GBF1: variants seen among roughly 807,000 people sequenced by gnomAD.
GBF1 encodes Golgi-specific brefeldin A-resistance guanine nucleotide exchange factor 1.
Under a neutral mutation model 210.5 loss-of-function variants are expected in GBF1, and 114 were observed. That is an observed-to-expected ratio of 0.54 (90% CI 0.47 to 0.63). The LOEUF is 0.63. GBF1 is among the 30% of genes least tolerant of loss of function. The pLI, the probability that GBF1 is intolerant of heterozygous loss-of-function variation, is 0.00. For synonymous variants in GBF1, 850 were observed against 889.2 expected (o/e 0.96, Z 0.78); for missense variants, 1,851 against 2,357.7 (o/e 0.79, Z 4.45).
intron 17 of GBF1, 82 bp from the exon 18 acceptor site, chr10:102,365,315 G>T: frequency 2.0e-6 from 2 of 985,644 alleles, no homozygotes; most frequent in South Asian, 2.7e-5. Flanking sequence ...ACCAACTGTG[G>T]GTGGGCTATG....
upstream of GBF1, chr10:102,241,567 C>A (rs1357415123): frequency 2.0e-5 from 3 of 152,448 alleles, no homozygotes; most frequent in African/African-American, 4.8e-5. The surrounding 1 kb of genome is among the most constrained non-coding windows in gnomAD (Gnocchi z 6.7). Context: ...CCCAGCCCGC[C>A]GCGGCGAGCC....
intron 29 of GBF1, among the ~76,000 whole-genome samples, chr10:102,371,925 CAAA>C (rs750951758): frequency 2.1e-5 from 2 of 97,124 alleles, no homozygotes; most frequent in Non-Finnish European, 4.3e-5. Flanking sequence ...GATTCTGTCT[CAAA>C]AAAAAAAAAA....
chr10:102,247,169 CTATT>C (rs2070945588), intron 1 of GBF1, among the ~76,000 whole-genome samples: 1 of 152,132 alleles, frequency 6.6e-6, no homozygotes, highest in South Asian at 2.1e-4. Flanking sequence ...GAAGAGAAAA[CTATT>C]TAGGATCTTG....
chr10:102,373,710 C>T (rs2135274354), intron 29 of GBF1, among the ~76,000 whole-genome samples: 1 of 152,338 alleles, frequency 6.6e-6, no homozygotes, highest in African/African-American at 2.4e-5. Flanking sequence ...GGTACAGCTA[C>T]TCTGCTGGCA....
In GBF1 at chr10:102,370,420, G is replaced by C; in HGVS notation, c.3448G>C (p.Asp1150His). The change falls in exon 28 of 40, where the codon GAT (aspartate) becomes CAT (histidine). Residue 1150 changes from aspartate (D) to histidine (H), a missense_variant. Physicochemically the swap from Asp to His is moderately conservative, Grantham distance 81. Transcript: ENST00000369983. ...VSVTPDEETY[D>H]EEDAAFCLEM... ...AGTGACACCAGATGAAGAGACATAT[G>C]ATGAGGAAGATGCTGCTTTCTGCCT... 1 of 1,613,366 alleles carries C rather than the reference G, an allele frequency of 6.2e-7. No homozygotes were observed. The highest frequency in any genetic ancestry group is 2.2e-5 in the East Asian group (1 of 44,872).
chr10:102,332,144 G>A (rs4919628), intron 3 of GBF1, among the ~76,000 whole-genome samples: 2 of 152,024 alleles, frequency 1.3e-5, no homozygotes, highest in African/African-American at 4.8e-5. Context: ...ACAGGTGTGA[G>A]CCACCGCACC....
At chr10:102,272,672 C>T (rs2133317673) in intron 3 of GBF1, among the ~76,000 whole-genome samples, 1 of 152,238 alleles carries the variant, frequency 6.6e-6, no homozygotes, top group Non-Finnish European at 1.5e-5. Flanking sequence ...CTAGCATTTT[C>T]TGTAAAGAAC....
intron 29 of GBF1, among the ~76,000 whole-genome samples, chr10:102,375,045 G>T (rs1463554951): frequency 1.3e-5 from 2 of 151,728 alleles, no homozygotes; most frequent in African/African-American, 4.8e-5. Context: ...GTGGTCACAT[G>T]CACCTGTAGT....
At chr10:102,262,382 A>G (rs2073350786) in intron 3 of GBF1, among the ~76,000 whole-genome samples, 1 of 152,144 alleles carries the variant, frequency 6.6e-6, no homozygotes, top group Admixed American at 6.5e-5. Flanking sequence ...ACATATCCCA[A>G]TTAGAAAGGA....
chr10:102,255,103 C>T (rs960957480), intron 1 of GBF1, among the ~76,000 whole-genome samples: 6 of 152,168 alleles, frequency 3.9e-5, no homozygotes, highest in Admixed American at 2.0e-4. Flanking sequence ...TGCAGTGGCG[C>T]GATCTCGGCT....
chr10:102,355,835 T>C (rs1030750603), intron 8 of GBF1, among the ~76,000 whole-genome samples: 1 of 152,240 alleles, frequency 6.6e-6, no homozygotes, highest in Non-Finnish European at 1.5e-5. Context: ...AGGTCTCTCA[T>C]TGATCTCTTG....
At chr10:102,239,752 C>T in the GBF1 span, among the ~76,000 whole-genome samples, 16 of 152,354 alleles carry the variant, frequency 1.1e-4, no homozygotes, top group Admixed American at 1.3e-4. Flanking sequence ...TATATGGACT[C>T]GTTCTCCCTG....
chr10:102,375,202 G>GA (rs374953670), intron 29 of GBF1, among the ~76,000 whole-genome samples, 157 bp from the exon 30 acceptor site: 1,962 of 126,308 alleles, frequency 0.016, 23 homozygotes, highest in African/African-American at 0.029. Context: ...ATTTCTATTT[G>GA]AAAAAAAAAA....
At chr10:102,303,884 G>A (rs555127373) in intron 3 of GBF1, among the ~76,000 whole-genome samples, 2 of 152,194 alleles carry the variant, frequency 1.3e-5, no homozygotes, top group African/African-American at 2.4e-5. Context: ...TTATCAAGCC[G>A]AGGAGGTAGG....
chr10:102,342,379 TCACACACACGCA>T (rs2058252335), intron 3 of GBF1, among the ~76,000 whole-genome samples: 2 of 149,830 alleles, frequency 1.3e-5, no homozygotes, highest in African/African-American at 5.0e-5. Flanking sequence ...TTTCAGTTTT[TCACACACACGCA>T]CACACACACA....
chr10:102,351,962 G>A lies in GBF1; in HGVS notation c.523+11G>A. 2.2e-6 allele frequency: 3 copies of A among 1,386,354 alleles called. No individual in the cohort carries two copies. Among genetic ancestry groups the A allele is most frequent in the Non-Finnish European group, 3.1e-6 (3 of 971,910 alleles). The allele number at this position is 1,386,354 out of a possible 1,614,324, so 85.9% of individuals were successfully genotyped here. ...AAATGAGGCTCAGTGGTAGGTGCTT[G>A]GATATTAGCCCCTTCACCATTCCTG... On this transcript the variant is annotated intron_variant, in intron 6 of 39. Coordinates refer to ENST00000369983, the MANE Select transcript of GBF1 (RefSeq NM_001377137.1).
At chr10:102,324,863 C>T (rs1401427262) in intron 3 of GBF1, among the ~76,000 whole-genome samples, 1 of 152,184 alleles carries the variant, frequency 6.6e-6, no homozygotes, top group Non-Finnish European at 1.5e-5. Flanking sequence ...GCTGGGATTA[C>T]AGGCGTGAGC....
intron 3 of GBF1, among the ~76,000 whole-genome samples, chr10:102,338,488 C>T (rs2057934390): frequency 6.6e-6 from 1 of 151,926 alleles, no homozygotes; most frequent in Admixed American, 6.6e-5. Flanking sequence ...AAGTGATCCA[C>T]TCACCTCGGC....
At chr10:102,244,072 G>A (rs1283070563), upstream of GBF1, among the ~76,000 whole-genome samples, 1 of 152,228 alleles carries the variant, frequency 6.6e-6, no homozygotes, top group Non-Finnish European at 1.5e-5. Flanking sequence ...GGAGGTTGCA[G>A]TGAGCCAAGA....
Sources: allele counts gnomAD v4.1 joint callset (sites outside exome capture counted in the v4.1 genomes callset), GRCh38; gene constraint gnomAD v4.1.1; non-coding constraint Gnocchi (gnomAD v3.1); transcripts MANE v1.5; gene names NCBI Gene and HGNC (gene_info 2026-07-23, HGNC 2026-07-21).